The following ANO10 variants were observed in gnomAD, a reference collection of about 807,000 sequenced individuals.
The protein encoded by ANO10 is anoctamin-10.
ANO10 carries 77 observed loss-of-function variants against 74.7 expected under a neutral mutation model. That is an observed-to-expected ratio of 1.03 (90% CI 0.86 to 1.25). ANO10 has a LOEUF of 1.25. ANO10 is among the 50% of genes most tolerant of loss of function. The pLI is 0.00. For missense variants in ANO10, 721 were observed against 778.1 expected (o/e 0.93, Z 0.87); for synonymous variants, 279 against 284.9 (o/e 0.98, Z 0.21).
rs2078123990 is a variant in ANO10 at position 43,524,949 on chromosome 3, GT to G, written c.1797+24770del. On this transcript the variant is annotated intron_variant, in intron 11 of 12. Coordinates refer to ENST00000292246, the MANE Select transcript of ANO10 (RefSeq NM_018075.5). ...AGGATCCTTCCCTAGAACCACTGCAGTTACCACCTAACTCACTGACTCTTCC... is the reference window on the plus strand; with the variant it reads ...AGGATCCTTCCCTAGAACCACTGCAGTACCACCTAACTCACTGACTCTTCC... 1.2e-4 allele frequency among the ~76,000 whole-genome samples: 18 copies of G among 152,248 alleles called. No homozygotes were observed. The South Asian group carries it at 3.7e-3, about 32-fold the overall frequency.
intron 12 of ANO10, among the ~76,000 whole-genome samples, chr3:43,402,028 CT>C (rs2092490581): frequency 6.6e-6 from 1 of 152,216 alleles, no homozygotes; most frequent in East Asian, 1.9e-4. Flanking sequence ...GGCACAGAGT[CT>C]GTAACATCCC....
chr3:43,424,982 A>G (rs2092876486), intron 12 of ANO10, among the ~76,000 whole-genome samples: 2 of 152,066 alleles, frequency 1.3e-5, no homozygotes, highest in African/African-American at 2.4e-5. Flanking sequence ...CCTAGACCTG[A>G]CTTGGGGCCC....
At chr3:43,367,065 T>C in intron 12 of ANO10, 91 bp from the exon 13 acceptor site, 1 of 1,288,700 alleles carries the variant, frequency 7.8e-7, no homozygotes, top group Non-Finnish European at 1.1e-6. Flanking sequence ...GCCAGCGGCT[T>C]TGACCCCAGG....
At position 43,576,858 on chromosome 3, in the gene ANO10, G is replaced by GACAT. The variant is rs1473276253; in HGVS notation, c.992_995dup (p.Met333CysfsTer17). On this transcript the variant is annotated frameshift_variant, in exon 6 of 13. Transcript: ENST00000292246. LOFTEE classifies it high-confidence loss of function. ...CCTCCATGTCGAAGTAAATCATCAT[G>GACAT]ACATACAGTGAGAAATAGAGGCAGA... 1 of 1,614,046 alleles carries GACAT rather than the reference G, an allele frequency of 6.2e-7. No individual in the cohort carries two copies. The highest frequency in any genetic ancestry group is 8.5e-7 in the Non-Finnish European group (1 of 1,180,028).
intron 12 of ANO10, among the ~76,000 whole-genome samples, chr3:43,391,321 A>T (rs2092268600): frequency 6.6e-6 from 1 of 152,260 alleles, no homozygotes; most frequent in African/African-American, 2.4e-5. Flanking sequence ...AGAACAATAA[A>T]GCTGCAACTG....
chr3:43,549,474 G>C (rs1051537964), intron 11 of ANO10, among the ~76,000 whole-genome samples: 2 of 152,104 alleles, frequency 1.3e-5, no homozygotes, highest in Non-Finnish European at 2.9e-5. Context: ...GCACTGGGCA[G>C]GCCAGCATAA....
At chr3:43,682,336 T>C (rs1014874259) in intron 1 of ANO10, among the ~76,000 whole-genome samples, 3 of 152,022 alleles carry the variant, frequency 2.0e-5, no homozygotes, top group Non-Finnish European at 2.9e-5. Context: ...CTAGAAGAAA[T>C]TGATAAATTC....
At chr3:43,405,538 T>TG (rs1400578721) in intron 12 of ANO10, among the ~76,000 whole-genome samples, 2 of 152,166 alleles carry the variant, frequency 1.3e-5, no homozygotes, top group African/African-American at 4.8e-5. Context: ...CAGGCTGGAG[T>TG]GCAGTGGTGT....
chr3:43,575,110 T>C lies in ANO10; in HGVS notation c.1163-246A>G, dbSNP rs557724564. The stretch of plus-strand genomic sequence containing the variant: ...TTTTTAAATTACTGCTACAAAGAAA[T>C]TTGGGAAGTGCTGGCAAACAATCCT... On this transcript the variant is annotated intron_variant, in intron 6 of 12. Coordinates refer to ENST00000292246, the MANE Select transcript of ANO10 (RefSeq NM_018075.5). Among the ~76,000 whole-genome samples the C allele has an allele frequency of 4.6e-5, 7 of 151,962 alleles. No individual in the cohort carries two copies. The East Asian group carries it at 1.4e-3, about 29-fold the overall frequency.
chr3:43,538,441 GA>G (rs763081038), intron 11 of ANO10, among the ~76,000 whole-genome samples: 93 of 152,208 alleles, frequency 6.1e-4, no homozygotes, highest in South Asian at 2.5e-3. Flanking sequence ...TAGAAATTCA[GA>G]AAAAATTTTT....
chr3:43,622,072 C>G (rs2083428916), upstream of ANO10: 1 of 152,098 alleles, frequency 6.6e-6, no homozygotes, highest in Non-Finnish European at 1.5e-5. Flanking sequence ...TGCGGTCACA[C>G]GCAGGGGGGC....
At chr3:43,435,880 G>A (rs1049869141) in intron 11 of ANO10, among the ~76,000 whole-genome samples, 1 of 152,174 alleles carries the variant, frequency 6.6e-6, no homozygotes, top group Non-Finnish European at 1.5e-5. Context: ...GAATACTTGT[G>A]AGTGAGGTGG....
intron 12 of ANO10, among the ~76,000 whole-genome samples, chr3:43,429,628 G>T (rs928952669): frequency 6.6e-6 from 1 of 152,042 alleles, no homozygotes; most frequent in African/African-American, 2.4e-5. Context: ...GTTTTTAGAT[G>T]CTTTATGCCC....
intron 11 of ANO10, among the ~76,000 whole-genome samples, chr3:43,515,684 G>C (rs932662709): frequency 6.6e-6 from 1 of 152,210 alleles, no homozygotes; most frequent in Non-Finnish European, 1.5e-5. Context: ...ACTGGTGATA[G>C]AGAAAATAAA....
At chr3:43,424,068 C>T (rs534616392) in intron 12 of ANO10, among the ~76,000 whole-genome samples, 215 of 152,198 alleles carry the variant, frequency 1.4e-3, no homozygotes, top group Non-Finnish European at 2.8e-3. Context: ...CAACACACTG[C>T]TCCATAATGG....
intron 11 of ANO10, among the ~76,000 whole-genome samples, chr3:43,480,591 T>C (rs995431188): frequency 6.6e-6 from 1 of 152,062 alleles, no homozygotes; most frequent in African/African-American, 2.4e-5. Context: ...CCAAACTATC[T>C]CTCATGAACC....
At chr3:43,650,715 C>T (rs1191568125) in intron 1 of ANO10, among the ~76,000 whole-genome samples, 1 of 152,132 alleles carries the variant, frequency 6.6e-6, no homozygotes, top group Non-Finnish European at 1.5e-5. Flanking sequence ...GAACATTTCC[C>T]CATAGCCCTA....
intron 1 of ANO10, among the ~76,000 whole-genome samples, chr3:43,689,694 A>T (rs2084326282): frequency 6.6e-6 from 1 of 152,216 alleles, no homozygotes; most frequent in Admixed American, 6.5e-5. Flanking sequence ...TAACAATTAC[A>T]CAAGGCTGAG....
intron 7 of ANO10, among the ~76,000 whole-genome samples, chr3:43,571,220 C>A: frequency 6.6e-6 from 1 of 151,758 alleles, no homozygotes; most frequent in East Asian, 1.9e-4. Flanking sequence ...AATAGGAACA[C>A]TTTTACACTG....
Sources: allele counts gnomAD v4.1 joint callset (sites outside exome capture counted in the v4.1 genomes callset), GRCh38; gene constraint gnomAD v4.1.1; transcripts MANE v1.5; gene names NCBI Gene and HGNC (gene_info 2026-07-23, HGNC 2026-07-21).